The following OTUD7A variants were observed in gnomAD, a reference collection of about 807,000 sequenced individuals.
OTUD7A encodes OTU deubiquitinase 7A.
In OTUD7A, 12 loss-of-function variants were observed where a neutral mutation model predicts 65.7. The ratio of observed to expected loss-of-function variants is 0.18; its 90% CI spans 0.12 to 0.30. The LOEUF (loss-of-function observed/expected upper bound fraction) is 0.30, where lower values mean the gene tolerates loss of function less well. OTUD7A is among the 10% of genes least tolerant of loss of function. OTUD7A has a pLI of 1.00. For missense variants in OTUD7A, 1,148 were observed against 1,304.8 expected, an observed-to-expected ratio of 0.88 and a Z score of 1.85; for synonymous variants, 641 against 586.3, an observed-to-expected ratio of 1.09 and a Z score of -1.35.
intron 1 of OTUD7A, among the ~76,000 whole-genome samples, chr15:31,760,680 C>CT (rs958018462): frequency 1.9e-4 from 29 of 151,984 alleles, no homozygotes; most frequent in African/African-American, 3.4e-4. Context: ...TTCCAGCTGG[C>CT]TTTTTTTTCA....
intron 1 of OTUD7A, among the ~76,000 whole-genome samples, chr15:31,793,353 C>G (rs1895869265): frequency 6.6e-6 from 1 of 152,148 alleles, no homozygotes; most frequent in Non-Finnish European, 1.5e-5. Flanking sequence ...TCACACAAGG[C>G]TTTTTCCTGC....
intron 5 of OTUD7A, among the ~76,000 whole-genome samples, chr15:31,540,060 G>A (rs762011718): frequency 1.6e-4 from 25 of 152,186 alleles, no homozygotes; most frequent in Non-Finnish European, 2.8e-4. Flanking sequence ...GCAAACTAAT[G>A]CTAGTTTGAC....
At chr15:31,510,540 T>C (rs577226860) in intron 8 of OTUD7A, among the ~76,000 whole-genome samples, 6 of 136,688 alleles carry the variant, frequency 4.4e-5, no homozygotes, top group African/African-American at 1.1e-4. Flanking sequence ...AACATACATA[T>C]GTATATCTAT....
chr15:31,680,258 T>G (rs1892681982), intron 1 of OTUD7A, among the ~76,000 whole-genome samples: 1 of 152,118 alleles, frequency 6.6e-6, no homozygotes, highest in South Asian at 2.1e-4. Flanking sequence ...AGAATACACA[T>G]TTTAATATAG....
At chr15:31,497,417 T>G (rs2041402861) in intron 10 of OTUD7A, among the ~76,000 whole-genome samples, 1 of 152,006 alleles carries the variant, frequency 6.6e-6, no homozygotes. Flanking sequence ...GCCCAGATAA[T>G]TTTTTATATT....
At chr15:31,725,209 G>A (rs1893850613) in intron 1 of OTUD7A, among the ~76,000 whole-genome samples, 2 of 152,196 alleles carry the variant, frequency 1.3e-5, no homozygotes, top group Non-Finnish European at 2.9e-5. Context: ...AGTAGGAGAT[G>A]AAGTCCCTGC....
intron 6 of OTUD7A, 77 bp downstream of exon 6, chr15:31,530,615 TTTTCCTTCAATAGTG>T (rs1448166864): frequency 3.3e-6 from 4 of 1,218,304 alleles, no homozygotes; most frequent in South Asian, 2.9e-5. Context: ...TAGTGTATGC[TTTTCCTTCAATAGTG>T]TTTCCTTCAA....
chr15:31,786,716 G>A (rs1895683332), intron 1 of OTUD7A, among the ~76,000 whole-genome samples: 1 of 152,134 alleles, frequency 6.6e-6, no homozygotes, highest in South Asian at 2.1e-4. Context: ...CTTCCAGCAA[G>A]CAGGTATAGT....
chr15:31,538,682 G>A (rs569271823), intron 5 of OTUD7A, among the ~76,000 whole-genome samples: 39 of 152,106 alleles, frequency 2.6e-4, no homozygotes, highest in Non-Finnish European at 5.0e-4. Flanking sequence ...ACTGAGTAAC[G>A]AGCAAAACTG....
At chr15:31,809,388 C>T (rs760823419) in intron 1 of OTUD7A, among the ~76,000 whole-genome samples, 2 of 152,188 alleles carry the variant, frequency 1.3e-5, no homozygotes, top group Non-Finnish European at 2.9e-5. Flanking sequence ...TGGGTTACTG[C>T]GTCTAGCGTT....
intron 1 of OTUD7A, among the ~76,000 whole-genome samples, chr15:31,675,457 C>T (rs2455711): frequency 3.9e-4 from 60 of 152,250 alleles, no homozygotes; most frequent in Admixed American, 1.6e-3. Flanking sequence ...AAAAACCATA[C>T]GGTCATCTTA....
intron 10 of OTUD7A, among the ~76,000 whole-genome samples, chr15:31,499,580 A>T (rs1363801160): frequency 1.3e-5 from 2 of 152,220 alleles, no homozygotes; most frequent in African/African-American, 4.8e-5. Flanking sequence ...GTGTCCTTTG[A>T]GGCACAGAGG....
intron 3 of OTUD7A, among the ~76,000 whole-genome samples, chr15:31,610,617 A>ATATATATATATCTTTTTTTT: frequency 3.3e-5 from 1 of 30,560 alleles, no homozygotes; most frequent in Non-Finnish European, 4.9e-5. Flanking sequence ...ATATATATAT[A>ATATATATATATCTTTTTTTT]TTTTTTTTTT....
chr15:31,514,218 C>T lies in OTUD7A; in HGVS notation c.894-10400G>A, dbSNP rs139126271. Among the ~76,000 whole-genome samples, 9 of 151,858 alleles carry T rather than the reference C, an allele frequency of 5.9e-5. No individual in the cohort carries two copies. The East Asian group carries it at 1.5e-3, about 26-fold the overall frequency. ...ACAGGCCACCATTATGCCCAGAAAA[C>T]TTTTTTCATTTTTGTAGAGACGGGG... On this transcript the variant is annotated intron_variant, in intron 8 of 12. Transcript: ENST00000307050.
intron 1 of OTUD7A, among the ~76,000 whole-genome samples, chr15:31,869,003 CATTA>C (rs1199917756): frequency 1.3e-5 from 2 of 152,078 alleles, no homozygotes; most frequent in South Asian, 2.1e-4. Context: ...TAGGAGGTGT[CATTA>C]ATTATTAAAT....
chr15:31,776,427 G>A (rs1347752519), intron 1 of OTUD7A, among the ~76,000 whole-genome samples: 5 of 152,142 alleles, frequency 3.3e-5, no homozygotes, highest in Admixed American at 1.3e-4. Context: ...CAAGGCACAG[G>A]GGCAGCCTGC....
chr15:31,722,498 T>C (rs1489763668), intron 1 of OTUD7A, among the ~76,000 whole-genome samples: 2 of 152,242 alleles, frequency 1.3e-5, no homozygotes, highest in Non-Finnish European at 2.9e-5. Context: ...CTGAATGCAC[T>C]GCCAGTTTCA....
At chr15:31,833,562 G>A (rs1455842252) in intron 1 of OTUD7A, among the ~76,000 whole-genome samples, 1 of 152,106 alleles carries the variant, frequency 6.6e-6, no homozygotes, top group African/African-American at 2.4e-5. Context: ...CAAAATTGTA[G>A]GAAAATATCC....
chr15:31,777,452 T>A (rs1189715155), intron 1 of OTUD7A, among the ~76,000 whole-genome samples: 1 of 152,152 alleles, frequency 6.6e-6, no homozygotes, highest in Non-Finnish European at 1.5e-5. Flanking sequence ...ATTAGGACCT[T>A]CATGTGGACC....
Sources: gnomAD v4.1 joint callset for allele counts (sites outside exome capture counted in the v4.1 genomes callset) on GRCh38, gnomAD v4.1.1 for gene constraint, MANE v1.5 for transcripts, NCBI Gene and HGNC (gene_info 2026-07-23, HGNC 2026-07-21) for gene names.